The following ABCC8 variants were observed in gnomAD, a reference collection of about 807,000 sequenced individuals.
ABCC8 encodes ATP binding cassette subfamily C member 8.
In ABCC8, 137 loss-of-function variants were observed where a neutral mutation model predicts 188.0. That is an observed-to-expected ratio of 0.73 (90% CI 0.63 to 0.84). The LOEUF (loss-of-function observed/expected upper bound fraction) is 0.84, where lower values mean the gene tolerates loss of function less well. Among genes scored for constraint, ABCC8 ranks in the 40% least tolerant of loss-of-function variants. The pLI is 0.00. For synonymous variants in ABCC8, 797 were observed against 846.5 expected (o/e 0.94, Z 1.01); for missense variants, 1,750 against 2,072.7 (o/e 0.84, Z 3.02).
At chr11:17,402,115 G>A (rs565114661) in intron 29 of ABCC8, among the ~76,000 whole-genome samples, 29 of 152,306 alleles carry the variant, frequency 1.9e-4, no homozygotes, top group Non-Finnish European at 7.3e-5. Context: ...CACATAGTCG[G>A]GGCTTAGTAA....
intron 3 of ABCC8, 135 bp from the exon 4 acceptor site, chr11:17,463,739 T>A (rs1847976404): frequency 8.9e-7 from 1 of 1,129,554 alleles, no homozygotes; most frequent in Non-Finnish European, 1.3e-6. Context: ...AGTAAGTGGA[T>A]GTGCACGTGT....
intron 3 of ABCC8, among the ~76,000 whole-genome samples, chr11:17,469,056 T>TCACTCCCTC (rs1554945918): frequency 7.5e-6 from 1 of 133,938 alleles, no homozygotes; most frequent in African/African-American, 3.0e-5. Context: ...TCTCCCTCCC[T>TCACTCCCTC]CCTCCCTCCC....
chr11:17,417,154 G>A, intron 16 of ABCC8, 192 bp from the exon 17 acceptor site: 2 of 803,210 alleles, frequency 2.5e-6, no homozygotes, highest in South Asian at 5.7e-5. Flanking sequence ...CACCTGGATG[G>A]GTACCCTCCA....
intron 21 of ABCC8, among the ~76,000 whole-genome samples, chr11:17,411,457 C>T (rs556798752): frequency 2.6e-5 from 4 of 152,298 alleles, no homozygotes; most frequent in South Asian, 4.1e-4. Context: ...GTGTGTCAGA[C>T]GGTAACGGAG....
intron 6 of ABCC8, among the ~76,000 whole-genome samples, chr11:17,453,813 T>C (rs1484520229): frequency 6.6e-6 from 1 of 152,156 alleles, no homozygotes; most frequent in Non-Finnish European, 1.5e-5. Context: ...TACAAGAGAC[T>C]GAAAAGATTT....
intron 19 of ABCC8, 147 bp from the exon 20 acceptor site, chr11:17,413,625 C>T (rs750384448): frequency 6.3e-5 from 95 of 1,513,148 alleles, no homozygotes; most frequent in Middle Eastern, 2.3e-4. Flanking sequence ...AAGCAAACAC[C>T]GTGTGAGCTT....
intron 6 of ABCC8, among the ~76,000 whole-genome samples, chr11:17,455,937 CAAA>C (rs796687753): frequency 3.2e-5 from 2 of 62,740 alleles, no homozygotes; most frequent in African/African-American, 4.5e-5. Context: ...AGGCTCCATC[CAAA>C]AAAAAAAAAA....
chr11:17,396,463 AAGTGAGAC>A (rs1334741615), intron 33 of ABCC8: 1 of 291,054 alleles, frequency 3.4e-6, no homozygotes, highest in African/African-American at 2.2e-5. Context: ...AGCCACAGCA[AAGTGAGAC>A]AGAGACAAAG....
intron 10 of ABCC8, among the ~76,000 whole-genome samples, chr11:17,442,300 T>A (rs908307204): frequency 3.9e-5 from 6 of 152,364 alleles, no homozygotes; most frequent in African/African-American, 1.4e-4. Flanking sequence ...CCCAAGTGGA[T>A]GGAAGCTTTC....
chr11:17,449,073 C>T (rs190589349), intron 7 of ABCC8, among the ~76,000 whole-genome samples: 14 of 152,262 alleles, frequency 9.2e-5, no homozygotes, highest in Admixed American at 5.9e-4. Flanking sequence ...ATTATAGGCA[C>T]GTGCCTACCA....
At chr11:17,407,811 G>A (rs1319447) in intron 23 of ABCC8, among the ~76,000 whole-genome samples, 82,827 of 152,018 alleles carry the variant, frequency 0.54, 23,641 homozygotes, top group East Asian at 0.72. Flanking sequence ...AACTGGACCA[G>A]TGAGACTCAG....
intron 17 of ABCC8, among the ~76,000 whole-genome samples, chr11:17,416,405 A>G (rs1305099888): frequency 6.6e-6 from 1 of 151,890 alleles, no homozygotes; most frequent in Non-Finnish European, 1.5e-5. Flanking sequence ...ATATTTCTTA[A>G]CTTTCTTTTC....
At position 17,413,437 on chromosome 11, in the gene ABCC8, A is replaced by G. The variant is rs1313324850; in HGVS notation, c.2432T>C (p.Ile811Thr). The G allele has an allele frequency of 1.2e-6, 2 of 1,614,054 alleles. No individual in the cohort carries two copies. The highest frequency in any genetic ancestry group is 4.5e-5 in the East Asian group (2 of 44,872). Residue 811 changes from isoleucine to threonine, a missense_variant, in exon 20 of 39, where the codon ATC becomes ACC. By Grantham distance (89) the Ile-to-Thr change is moderately conservative (BLOSUM62 -1). Coordinates refer to ENST00000389817, the MANE Select transcript of ABCC8 (RefSeq NM_000352.6). ...CTGGTCTCCATGGGGCAGGATGTCG[A>G]TGTCTGGCTGCAGAGAGCAGGCTTC... ...VIEACSLQPD[I>T]DILPHGDQTQ...
chr11:17,396,140 G>A, intron 33 of ABCC8: 1 of 1,193,442 alleles, frequency 8.4e-7, no homozygotes, highest in East Asian at 2.6e-5. Context: ...CGGCACGCAA[G>A]TGCAGGCATG....
chr11:17,408,074 G>A, intron 23 of ABCC8: 1 of 277,970 alleles, frequency 3.6e-6, no homozygotes, highest in Non-Finnish European at 6.9e-6. Flanking sequence ...TGGTTTCATG[G>A]GTCAATAAAT....
chr11:17,475,087 A>G, intron 1 of ABCC8, 60 bp from the exon 2 acceptor site: 1 of 1,606,442 alleles, frequency 6.2e-7, no homozygotes. Context: ...AAGAGGGTGC[A>G]TGAACCCCAG....
chr11:17,460,287 C>T (rs1957136949), intron 6 of ABCC8, among the ~76,000 whole-genome samples: 1 of 152,180 alleles, frequency 6.6e-6, no homozygotes. Flanking sequence ...GTAGGATACC[C>T]TTGGGGCATA....
intron 22 of ABCC8, 122 bp downstream of exon 22, chr11:17,410,393 TG>T: frequency 9.0e-7 from 1 of 1,115,440 alleles, no homozygotes; most frequent in Non-Finnish European, 1.3e-6. Context: ...CATCCAGTGC[TG>T]GTCTCTTATG....
intron 10 of ABCC8, among the ~76,000 whole-genome samples, chr11:17,439,053 G>A (rs1315341655): frequency 6.6e-6 from 1 of 152,210 alleles, no homozygotes; most frequent in Non-Finnish European, 1.5e-5. Flanking sequence ...TGGAGAACGG[G>A]GAGAACATCT....
Sources: allele counts gnomAD v4.1 joint callset (sites outside exome capture counted in the v4.1 genomes callset), GRCh38; gene constraint gnomAD v4.1.1; transcripts MANE v1.5; gene names NCBI Gene and HGNC (gene_info 2026-07-23, HGNC 2026-07-21).